Variants in SLC22A25 observed in about 807,000 individuals in gnomAD.
SLC22A25 encodes the protein MGI:2442751, MGI:2385316, MGI:3042283, MGI:3645714, MGI:3605624, MGI:2442750.
SLC22A25 carries 44 observed loss-of-function variants against 45.9 expected under a neutral mutation model. That is an observed-to-expected ratio of 0.96 (90% CI 0.75 to 1.23). The LOEUF is 1.23. Among genes scored for constraint, SLC22A25 ranks in the 50% most tolerant of loss-of-function variants. The pLI is 0.00. For synonymous variants in SLC22A25, 283 were observed against 238.6 expected (o/e 1.19, Z -1.72); for missense variants, 800 against 666.4 (o/e 1.20, Z -2.21).
chr11:63,164,671 G>C, intron 10 of SLC22A25, 37 bp from the exon 11 acceptor site: 1 of 1,523,316 alleles, frequency 6.6e-7, no homozygotes, highest in Non-Finnish European at 9.1e-7. Flanking sequence ...CAGGAAATCT[G>C]AGCTGAAGGA....
chr11:63,236,535 G>A lies in SLC22A25; in HGVS notation c.-445+1346C>T, dbSNP rs1027580803. Among the ~76,000 whole-genome samples, 7 of 152,072 alleles carry A rather than the reference G, an allele frequency of 4.6e-5. No homozygotes were observed. The East Asian group carries it at 7.7e-4, about 17-fold the overall frequency. Reference sequence around the variant, plus strand: ...GGAGTGACCCAATTTTCCAGGTGCCGTCTGTCACCCCTTTCTTTGACTAGG... The same window carrying A: ...GGAGTGACCCAATTTTCCAGGTGCCATCTGTCACCCCTTTCTTTGACTAGG... On this transcript the variant is annotated intron_variant, in intron 3 of 11. Coordinates refer to ENST00000306494, the MANE Select transcript of SLC22A25 (RefSeq NM_199352.6).
At chr11:63,193,699 A>T (rs146944667) in intron 7 of SLC22A25, among the ~76,000 whole-genome samples, 1 of 152,254 alleles carries the variant, frequency 6.6e-6, no homozygotes, top group Non-Finnish European at 1.5e-5. Flanking sequence ...AACCACAAAG[A>T]TGGGGAGAAA....
At chr11:63,213,640 T>C (rs2089636051) in intron 7 of SLC22A25, among the ~76,000 whole-genome samples, 1 of 152,152 alleles carries the variant, frequency 6.6e-6, no homozygotes, top group African/African-American at 2.4e-5. Flanking sequence ...AATCCCCAGA[T>C]AACACTAGAG....
At chr11:63,212,282 A>G (rs1053818936) in intron 7 of SLC22A25, among the ~76,000 whole-genome samples, 1 of 152,060 alleles carries the variant, frequency 6.6e-6, no homozygotes, top group Non-Finnish European at 1.5e-5. Flanking sequence ...ATCTAGAACT[A>G]GAAATACCAT....
At position 63,232,563 on chromosome 11, in the gene SLC22A25, A is replaced by G. The variant is rs112778482; in HGVS notation, c.-444-2467T>C. On this transcript the variant is annotated intron_variant, in intron 3 of 11. Transcript: ENST00000306494. Reference sequence around the variant, plus strand: ...GACGATGGGGTTTTCTAGATATACAATCATGTCATCTGCAAAGAGGGACAA... The same window carrying G: ...GACGATGGGGTTTTCTAGATATACAGTCATGTCATCTGCAAAGAGGGACAA... 7.2e-5 allele frequency among the ~76,000 whole-genome samples: 11 copies of G among 152,304 alleles called. 1 individual carries two copies. The highest frequency in any genetic ancestry group is 2.2e-4 in the African/African-American group (9 of 41,562).
chr11:63,189,064 A>G (rs910857365), intron 7 of SLC22A25, among the ~76,000 whole-genome samples: 1 of 152,156 alleles, frequency 6.6e-6, no homozygotes, highest in Non-Finnish European at 1.5e-5. Flanking sequence ...TATTAGGTCC[A>G]CTTGGTGAGA....
rs1162986675 is a variant in SLC22A25 at position 63,166,075 on chromosome 11, G to A, written c.1254C>T (p.Thr418=). The change falls in exon 10 of 12, where the codon ACC becomes ACT. Residue 418 remains threonine (T), a synonymous_variant. Coordinates refer to ENST00000306494, the MANE Select transcript of SLC22A25 (RefSeq NM_199352.6). Reference sequence around the variant, plus strand: ...GCACAAATATGATGGCCAGAAGGCAGGTTGCCAGTAGGAACATGAGAAGCA... The same window carrying A: ...GCACAAATATGATGGCCAGAAGGCAAGTTGCCAGTAGGAACATGAGAAGCA... ...SQMLLMFLLA[T]CLLAIIFVPQ... The A allele has an allele frequency of 6.2e-7, 1 of 1,613,984 alleles. No individual in the cohort carries two copies. Among genetic ancestry groups the A allele is most frequent in the Non-Finnish European group, 8.5e-7 (1 of 1,179,928 alleles).
At chr11:63,221,747 A>C (rs1013520528) in intron 5 of SLC22A25, among the ~76,000 whole-genome samples, 1 of 152,074 alleles carries the variant, frequency 6.6e-6, no homozygotes, top group Non-Finnish European at 1.5e-5. Flanking sequence ...TTCTTGCATT[A>C]GTTTCATAGT....
At chr11:63,236,327 C>G (rs183809223) in intron 3 of SLC22A25, among the ~76,000 whole-genome samples, 2 of 152,310 alleles carry the variant, frequency 1.3e-5, no homozygotes, top group African/African-American at 4.8e-5. Context: ...TTTACCTACT[C>G]AAGCCTGAGC....
chr11:63,172,359 A>G (rs2087918898), intron 9 of SLC22A25, among the ~76,000 whole-genome samples: 2 of 152,162 alleles, frequency 1.3e-5, no homozygotes, highest in African/African-American at 4.8e-5. Context: ...TGAACAGGCA[A>G]CCTACAGAAT....
intron 7 of SLC22A25, among the ~76,000 whole-genome samples, chr11:63,206,347 T>C (rs988547795): frequency 1.1e-4 from 17 of 152,152 alleles, no homozygotes; most frequent in Admixed American, 2.6e-4. Context: ...AGTCAAAATC[T>C]CTCTGTTTCC....
intron 7 of SLC22A25, among the ~76,000 whole-genome samples, chr11:63,191,160 G>A (rs2088797439): frequency 6.6e-6 from 1 of 152,206 alleles, no homozygotes; most frequent in Non-Finnish European, 1.5e-5. Context: ...GTCTACAAAG[G>A]CAGGCAGGCC....
chr11:63,239,272 A>C (rs1190948741), intron 1 of SLC22A25, among the ~76,000 whole-genome samples, 137 bp from the exon 2 acceptor site: 1 of 152,350 alleles, frequency 6.6e-6, no homozygotes, highest in African/African-American at 2.4e-5. Context: ...GGACCATGGA[A>C]GGTTACACAT....
At chr11:63,198,254 G>A (rs188571287) in intron 7 of SLC22A25, among the ~76,000 whole-genome samples, 5 of 152,306 alleles carry the variant, frequency 3.3e-5, no homozygotes, top group Admixed American at 2.0e-4. Flanking sequence ...AAATCATGCT[G>A]CTATAAAGAC....
At chr11:63,190,221 T>C (rs550244434) in intron 7 of SLC22A25, among the ~76,000 whole-genome samples, 32 of 152,338 alleles carry the variant, frequency 2.1e-4, no homozygotes, top group Admixed American at 3.9e-4. Context: ...TAGTCCCATA[T>C]TTCCTGGAGG....
chr11:63,217,794 C>G, intron 5 of SLC22A25, 59 bp from the exon 6 acceptor site: 1 of 1,537,402 alleles, frequency 6.5e-7, no homozygotes, highest in Admixed American at 2.1e-5. Flanking sequence ...GAAATGTTAG[C>G]AAAGGGAAAG....
intron 7 of SLC22A25, among the ~76,000 whole-genome samples, chr11:63,213,080 GCA>G (rs1246101907): frequency 2.6e-5 from 4 of 152,158 alleles, no homozygotes; most frequent in Non-Finnish European, 5.9e-5. Flanking sequence ...GCTTGGAAGT[GCA>G]CACAAGGAGG....
intron 5 of SLC22A25, 39 bp from the exon 6 acceptor site, chr11:63,217,774 C>A (rs773559723): frequency 1.3e-6 from 2 of 1,566,290 alleles, no homozygotes; most frequent in Non-Finnish European, 1.7e-6. Flanking sequence ...GGAACAATAA[C>A]AACCTTTGGG....
At chr11:63,232,770 T>C (rs549633130) in intron 3 of SLC22A25, among the ~76,000 whole-genome samples, 1 of 152,308 alleles carries the variant, frequency 6.6e-6, no homozygotes, top group African/African-American at 2.4e-5. Context: ...CACTGTGGGT[T>C]TGTCATAAAT....
Sources: gnomAD v4.1 joint callset for allele counts (sites outside exome capture counted in the v4.1 genomes callset) on GRCh38, gnomAD v4.1.1 for gene constraint, MANE v1.5 for transcripts, NCBI Gene and HGNC (gene_info 2026-07-23, HGNC 2026-07-21) for gene names.